Variants in STK3 observed in about 807,000 individuals in gnomAD.
The protein encoded by STK3 is serine/threonine-protein kinase 3.
Under a neutral mutation model 58.0 loss-of-function variants are expected in STK3, and 41 were observed. The ratio of observed to expected loss-of-function variants is 0.71; its 90% CI spans 0.55 to 0.92. STK3 has a LOEUF of 0.92. Among genes scored for constraint, STK3 ranks in the 40% least tolerant of loss-of-function variants. The probability of loss-of-function intolerance (pLI) is 0.00; values close to 1 mark genes in which losing one functional copy is unlikely to be tolerated. For synonymous variants in STK3, 170 were observed against 191.0 expected (o/e 0.89, Z 0.91); for missense variants, 479 against 602.7 (o/e 0.79, Z 2.15).
chr8:98,692,914 C>T (rs1197067717), intron 6 of STK3, among the ~76,000 whole-genome samples: 3 of 152,038 alleles, frequency 2.0e-5, no homozygotes, highest in Non-Finnish European at 4.4e-5. Flanking sequence ...GATATGTCCA[C>T]ATCCTAATCT....
At chr8:98,492,240 A>G (rs1206390269) in intron 10 of STK3, among the ~76,000 whole-genome samples, 1 of 152,214 alleles carries the variant, frequency 6.6e-6, no homozygotes, top group Non-Finnish European at 1.5e-5. Context: ...GCAGAGAACA[A>G]TGAGAGAGAG....
At chr8:98,429,405 C>G in intron 3 of STK3, 1 of 1,606,486 alleles carries the variant, frequency 6.2e-7, no homozygotes, top group East Asian at 2.2e-5. Flanking sequence ...AAATGATTCC[C>G]TACGTTAGCC....
intron 1 of STK3, chr8:98,905,585 C>T: frequency 9.4e-7 from 1 of 1,065,104 alleles, no homozygotes; most frequent in Non-Finnish European, 1.5e-6. Flanking sequence ...TGTCACATTC[C>T]AGCACCTTCC....
intron 3 of STK3, among the ~76,000 whole-genome samples, chr8:98,869,074 G>GGAAGGAAGGAAGGAAA (rs1564072424): frequency 2.3e-5 from 3 of 130,464 alleles, no homozygotes; most frequent in African/African-American, 8.6e-5. Flanking sequence ...AAGGAAGGAA[G>GGAAGGAAGGAAGGAAA]GAAGGAAGGA....
intron 6 of STK3, among the ~76,000 whole-genome samples, chr8:98,687,719 A>T (rs909873455): frequency 1.3e-5 from 2 of 152,212 alleles, no homozygotes; most frequent in Admixed American, 1.3e-4. Context: ...TTCCCAGACA[A>T]GCAATTACTA....
chr8:98,364,740 C>T, the STK3 span, among the ~76,000 whole-genome samples: 2 of 152,228 alleles, frequency 1.3e-5, no homozygotes, highest in South Asian at 2.1e-4. Flanking sequence ...CTCCTGTGGA[C>T]TACATCTCCC....
At chr8:98,385,233 G>A (rs1271961826) in intron 1 of STK3, among the ~76,000 whole-genome samples, 1 of 152,020 alleles carries the variant, frequency 6.6e-6, no homozygotes, top group African/African-American at 2.4e-5. Flanking sequence ...TTGGAGGGTG[G>A]GTGGCAGAGG....
At position 98,538,354 on chromosome 8, in the gene STK3, A is replaced by AT. The variant is rs1260331939; in HGVS notation, c.1141+9614dup. Among the ~76,000 whole-genome samples the AT allele has an allele frequency of 2.6e-5, 4 of 152,258 alleles. No homozygotes were observed. In the East Asian group the frequency reaches 7.7e-4, roughly 29 times the overall value. ...TATTTTAAAACAAAGAAGGATAAACATAACATGGAGAAGGTCCACAGACTA... is the reference window on the plus strand; with the variant it reads ...TATTTTAAAACAAAGAAGGATAAACATTAACATGGAGAAGGTCCACAGACTA... On this transcript the variant is annotated intron_variant, in intron 9 of 10. Coordinates refer to ENST00000419617, the MANE Select transcript of STK3 (RefSeq NM_006281.4).
chr8:98,407,746 G>T (rs528779545), intron 3 of STK3, among the ~76,000 whole-genome samples: 1 of 150,448 alleles, frequency 6.6e-6, no homozygotes, highest in East Asian at 2.0e-4. Context: ...GTGTGTGTGT[G>T]TGTGTGTGTG....
intron 10 of STK3, among the ~76,000 whole-genome samples, chr8:98,474,012 C>T (rs6982282): frequency 0.03 from 4,562 of 152,232 alleles, 108 homozygotes; most frequent in South Asian, 0.063. Flanking sequence ...CTGACAGAGA[C>T]CTTCTAAACT....
intron 1 of STK3, among the ~76,000 whole-genome samples, chr8:98,918,581 G>A (rs1839431484): frequency 6.6e-6 from 1 of 152,006 alleles, no homozygotes; most frequent in Admixed American, 6.5e-5. Context: ...ACCAGCCTGA[G>A]CAACATAGCA....
chr8:98,579,199 A>G (rs1813657901), intron 8 of STK3, among the ~76,000 whole-genome samples: 1 of 152,176 alleles, frequency 6.6e-6, no homozygotes, highest in Non-Finnish European at 1.5e-5. Context: ...AAATACAATT[A>G]TTTTATTTCG....
intron 6 of STK3, among the ~76,000 whole-genome samples, chr8:98,673,849 C>CA (rs1382864706): frequency 3.9e-5 from 6 of 152,202 alleles, no homozygotes; most frequent in Middle Eastern, 3.4e-3. Flanking sequence ...AGCAGTGATA[C>CA]AAAATGAGTT....
chr8:98,680,019 G>A (rs148412036), intron 6 of STK3, among the ~76,000 whole-genome samples: 6 of 152,260 alleles, frequency 3.9e-5, no homozygotes, highest in Middle Eastern at 3.4e-3. Flanking sequence ...AAGCAAAACT[G>A]TCTAAAATCA....
intron 3 of STK3, among the ~76,000 whole-genome samples, chr8:98,425,773 G>T (rs187792697): frequency 6.6e-6 from 1 of 152,328 alleles, no homozygotes; most frequent in East Asian, 1.9e-4. Context: ...AGCTGGGACG[G>T]CATTGCCAGG....
At chr8:98,355,738 C>G in the STK3 span, among the ~76,000 whole-genome samples, 3 of 152,300 alleles carry the variant, frequency 2.0e-5, no homozygotes, top group African/African-American at 7.2e-5. Context: ...GAAGGACCAC[C>G]AGATATTGTA....
intron 6 of STK3, among the ~76,000 whole-genome samples, chr8:98,612,448 T>C (rs1817277750): frequency 6.7e-6 from 1 of 149,730 alleles, no homozygotes; most frequent in Admixed American, 6.7e-5. Context: ...CAATTCTATA[T>C]ATATATCAAC....
chr8:98,791,222 G>A (rs1832783895), intron 1 of STK3, among the ~76,000 whole-genome samples: 1 of 152,106 alleles, frequency 6.6e-6, no homozygotes, highest in African/African-American at 2.4e-5. Flanking sequence ...TCTTACAATA[G>A]CTGCAAAAAT....
intron 10 of STK3, among the ~76,000 whole-genome samples, chr8:98,523,403 C>T (rs1268405882): frequency 7.2e-6 from 1 of 139,644 alleles, no homozygotes; most frequent in Non-Finnish European, 1.5e-5. Flanking sequence ...GAGACAGAGT[C>T]TCGCTCTGTC....
Sources: gnomAD v4.1 joint callset for allele counts (sites outside exome capture counted in the v4.1 genomes callset) on GRCh38, gnomAD v4.1.1 for gene constraint, MANE v1.5 for transcripts, NCBI Gene and HGNC (gene_info 2026-07-23, HGNC 2026-07-21) for gene names.